The following CDC73 variants were observed in gnomAD, a reference collection of about 807,000 sequenced individuals.
CDC73 encodes the protein parafibromin.
CDC73 carries 21 observed loss-of-function variants against 83.7 expected under a neutral mutation model. The observed-to-expected ratio is 0.25, with a 90% CI of 0.18 to 0.36. The LOEUF is 0.36. Ranked by LOEUF, CDC73 falls within the 10% of genes least tolerant of loss-of-function variation. The pLI, the probability that CDC73 is intolerant of heterozygous loss-of-function variation, is 1.00. For missense variants in CDC73, 342 were observed against 653.3 expected (o/e 0.52, Z 5.19); for synonymous variants, 224 against 212.9 (o/e 1.05, Z -0.45).
chr1:193,130,736 A>G (rs1675680229), intron 3 of CDC73, among the ~76,000 whole-genome samples: 1 of 152,048 alleles, frequency 6.6e-6, no homozygotes, highest in South Asian at 2.1e-4. Context: ...TTACCATCCC[A>G]CTAAAATCAC....
intron 10 of CDC73, among the ~76,000 whole-genome samples, chr1:193,158,515 T>G (rs868003295): frequency 1.3e-5 from 2 of 152,156 alleles, no homozygotes; most frequent in Middle Eastern, 3.4e-3. Flanking sequence ...AAAAAAAAAT[T>G]AAGTAACTTT....
At chr1:193,125,707 A>G (rs1317332546) in intron 2 of CDC73, among the ~76,000 whole-genome samples, 1 of 151,426 alleles carries the variant, frequency 6.6e-6, no homozygotes, top group Non-Finnish European at 1.5e-5. Flanking sequence ...CTCCTGAGAA[A>G]CTGGGACTAT....
Position 193,233,171 on chromosome 1 carries a change from A to G in CDC73, c.1316+17A>G. 2 of 1,595,514 alleles carry G rather than the reference A, an allele frequency of 1.3e-6. No homozygotes were observed. The highest frequency in any genetic ancestry group is 1.7e-6 in the Non-Finnish European group (2 of 1,163,894). On this transcript the variant is annotated intron_variant, in intron 14 of 16. Coordinates refer to ENST00000367435, the MANE Select transcript of CDC73 (RefSeq NM_024529.5). ...TCAAGACTGGTAAGATAGTCTCTAT[A>G]TATATATCTTTTCACAGGTGTTGAA...
At chr1:193,226,447 C>A (rs1161456761) in intron 13 of CDC73, among the ~76,000 whole-genome samples, 1 of 152,146 alleles carries the variant, frequency 6.6e-6, no homozygotes, top group Non-Finnish European at 1.5e-5. Context: ...ACTACGTTAG[C>A]TGTGGGTTTG....
intron 11 of CDC73, among the ~76,000 whole-genome samples, chr1:193,209,427 A>G (rs184960141): frequency 2.6e-5 from 4 of 152,306 alleles, no homozygotes; most frequent in Admixed American, 2.6e-4. Context: ...TATCTCTTTT[A>G]CGATTGAGGA....
rs188886323 is a variant in CDC73 at position 193,224,588 on chromosome 1, A to G, written c.1155-8405A>G. 3.7e-3 allele frequency among the ~76,000 whole-genome samples: 559 copies of G among 152,306 alleles called. 3 individuals are homozygous for G. Among genetic ancestry groups the G allele is most frequent in the African/African-American group, 0.011 (452 of 41,576 alleles). ...ATTCACATATACACATATATGAAAT[A>G]TGCATTCACATGTACACATATATGA... On this transcript the variant is annotated intron_variant, in intron 13 of 16. Coordinates refer to ENST00000367435, the MANE Select transcript of CDC73 (RefSeq NM_024529.5).
At chr1:193,238,276 A>C (rs923483501) in intron 15 of CDC73, among the ~76,000 whole-genome samples, 2 of 152,142 alleles carry the variant, frequency 1.3e-5, no homozygotes, top group African/African-American at 4.8e-5. Flanking sequence ...CAACAAAACA[A>C]AACCCTTACC....
Position 193,159,425 on chromosome 1 carries a change from C to T in CDC73, c.972+6981C>T, listed in dbSNP as rs114202657. On this transcript the variant is annotated intron_variant, in intron 10 of 16. Transcript: ENST00000367435. ...TCACTGTCTCACCCAGGCTGGAGTG[C>T]GGTAGCGTGATCTCAGCTCAGTGCA... 5.7e-3 allele frequency among the ~76,000 whole-genome samples: 864 copies of T among 152,196 alleles called. 4 individuals carry two copies. Among genetic ancestry groups the T allele is most frequent in the Non-Finnish European group, 7.7e-3 (524 of 68,028 alleles).
intron 7 of CDC73, among the ~76,000 whole-genome samples, chr1:193,144,594 G>A (rs528063397): frequency 1.8e-4 from 28 of 152,218 alleles, no homozygotes; most frequent in African/African-American, 6.7e-4. Context: ...CTTTACTCAC[G>A]AATGTCCTTG....
chr1:193,168,823 C>G (rs1191287444), intron 10 of CDC73, among the ~76,000 whole-genome samples: 1 of 152,238 alleles, frequency 6.6e-6, no homozygotes, highest in Non-Finnish European at 1.5e-5. Flanking sequence ...CAGCGTCTGG[C>G]TGACCTCTGC....
chr1:193,238,983 A>T (rs937943391), intron 15 of CDC73, among the ~76,000 whole-genome samples: 3 of 152,216 alleles, frequency 2.0e-5, no homozygotes, highest in Non-Finnish European at 4.4e-5. Flanking sequence ...GTATATGGTT[A>T]TGTCCCTATT....
At chr1:193,151,470 C>T (rs1301145605) in intron 9 of CDC73, among the ~76,000 whole-genome samples, 1 of 152,176 alleles carries the variant, frequency 6.6e-6, no homozygotes, top group Non-Finnish European at 1.5e-5. Flanking sequence ...CAATTGATCA[C>T]ATATATTGTT....
intron 10 of CDC73, among the ~76,000 whole-genome samples, chr1:193,192,721 G>A (rs943912525): frequency 6.6e-6 from 1 of 152,202 alleles, no homozygotes; most frequent in African/African-American, 2.4e-5. Flanking sequence ...CTCACAGAAG[G>A]AGTTGTGGCA....
intron 6 of CDC73, 107 bp from the exon 7 acceptor site, chr1:193,141,743 T>A: frequency 1.4e-6 from 1 of 733,874 alleles, no homozygotes; most frequent in South Asian, 1.6e-5. Context: ...ACCTTAATTA[T>A]TGCCATGTAA....
intron 2 of CDC73, among the ~76,000 whole-genome samples, chr1:193,127,295 G>A (rs1418050118): frequency 1.5e-5 from 2 of 134,520 alleles, no homozygotes; most frequent in African/African-American, 2.7e-5. Flanking sequence ...AAAAATGTGT[G>A]TGTGTGTGTG....
chr1:193,234,171 TCTCTCACACACA>T (rs1372950436), intron 14 of CDC73, among the ~76,000 whole-genome samples: 256 of 75,562 alleles, frequency 3.4e-3, no homozygotes, highest in African/African-American at 5.1e-3. Flanking sequence ...TCTCTCTCTC[TCTCTCACACACA>T]CACACACACA....
chr1:193,170,749 TTC>T lies in CDC73; in HGVS notation c.972+18307_972+18308del, dbSNP rs199860999. Among the ~76,000 whole-genome samples the T allele has an allele frequency of 1.3e-4, 20 of 152,354 alleles. No homozygotes were observed. In the East Asian group the frequency reaches 2.7e-3, roughly 21 times the overall value. On this transcript the variant is annotated intron_variant, in intron 10 of 16. Transcript: ENST00000367435. ...GTTTTCTTTTTACTCTGTTGATAGT[TTC>T]TTTTGCTGTGCAGAATCTCTTTTGC...
chr1:193,199,320 C>T (rs1256196144), intron 10 of CDC73, among the ~76,000 whole-genome samples: 39 of 152,026 alleles, frequency 2.6e-4, no homozygotes, highest in Non-Finnish European at 2.1e-4. Context: ...AATCCCAGCG[C>T]TTTAGGAGGC....
rs771545477 is a variant in CDC73 at position 193,251,077 on chromosome 1, C to T, written c.*365C>T. 3.4e-6 allele frequency: 1 copy of T among 292,942 alleles called. No homozygotes were observed. Among genetic ancestry groups the T allele is most frequent in the East Asian group, 5.1e-5 (1 of 19,598 alleles). 18.1% of individuals were successfully genotyped at this position (292,942 alleles called of 1,614,324 possible). A position where few individuals can be genotyped will look rare whatever the true frequency, so the allele number is the denominator to read the frequency against. ...TCTGATTTTTCATTGCTCTATAATTCTTTTTACTGAAAATACTATGTTATG... is the reference window on the plus strand; with the variant it reads ...TCTGATTTTTCATTGCTCTATAATTTTTTTTACTGAAAATACTATGTTATG... On this transcript the variant is annotated 3_prime_UTR_variant, in exon 17 of 17. Coordinates refer to ENST00000367435, the MANE Select transcript of CDC73 (RefSeq NM_024529.5).
Sources: gnomAD v4.1 joint callset for allele counts (sites outside exome capture counted in the v4.1 genomes callset) on GRCh38, gnomAD v4.1.1 for gene constraint, MANE v1.5 for transcripts, NCBI Gene and HGNC (gene_info 2026-07-23, HGNC 2026-07-21) for gene names.